The following SIK3 variants were observed in gnomAD, a reference collection of about 807,000 sequenced individuals.
SIK3 encodes SIK family kinase 3.
In SIK3, 28 loss-of-function variants were observed where a neutral mutation model predicts 144.2. The ratio of observed to expected loss-of-function variants is 0.19; its 90% CI spans 0.14 to 0.27. SIK3 has a LOEUF of 0.27. Ranked by LOEUF, SIK3 falls within the 10% of genes least tolerant of loss-of-function variation. The pLI is 1.00. For synonymous variants in SIK3, 686 were observed against 676.3 expected (o/e 1.01, Z -0.22); for missense variants, 1,319 against 1,776.0 (o/e 0.74, Z 4.62).
At chr11:117,028,325 C>T (rs948323495) in intron 1 of SIK3, among the ~76,000 whole-genome samples, 1 of 152,156 alleles carries the variant, frequency 6.6e-6, no homozygotes, top group Non-Finnish European at 1.5e-5. Context: ...ATTTATTAAA[C>T]ACCTACTACA....
chr11:116,947,333 C>T (rs148528012), intron 3 of SIK3, among the ~76,000 whole-genome samples: 29 of 143,364 alleles, frequency 2.0e-4, no homozygotes, highest in African/African-American at 7.0e-4. Flanking sequence ...AGAAAGGAGG[C>T]CCAGCAAAAG....
chr11:117,013,950 G>GTGTTTTTTTTTTT (rs1951400797), intron 1 of SIK3, among the ~76,000 whole-genome samples: 1 of 40,928 alleles, frequency 2.4e-5, no homozygotes, highest in Non-Finnish European at 6.7e-5. Flanking sequence ...GTGTGTGTGT[G>GTGTTTTTTTTTTT]TTTTATTTCT....
chr11:116,907,906 C>A (rs1389276260), intron 4 of SIK3, among the ~76,000 whole-genome samples: 6 of 151,624 alleles, frequency 4.0e-5, no homozygotes, highest in African/African-American at 1.5e-4. Flanking sequence ...ACAGAGGCTG[C>A]CATCCTCACA....
chr11:116,890,638 G>A (rs1001749885), intron 6 of SIK3, among the ~76,000 whole-genome samples: 5 of 152,220 alleles, frequency 3.3e-5, no homozygotes, highest in African/African-American at 9.7e-5. Context: ...TAAGCACCAC[G>A]ATAAGAGAAA....
intron 21 of SIK3, among the ~76,000 whole-genome samples, chr11:116,850,336 T>C (rs1942328749): frequency 6.6e-6 from 1 of 152,226 alleles, no homozygotes; most frequent in Admixed American, 6.5e-5. Flanking sequence ...TCTAGTCAAA[T>C]GGGACCACTT....
At chr11:116,950,112 G>A (rs1431995324) in intron 3 of SIK3, 4 of 470,866 alleles carry the variant, frequency 8.5e-6, no homozygotes, top group Admixed American at 7.0e-5. Flanking sequence ...AGTGATCTGG[G>A]TCCTAGTATT....
chr11:117,072,487 C>A (rs1048430405), intron 1 of SIK3, among the ~76,000 whole-genome samples: 1 of 152,182 alleles, frequency 6.6e-6, no homozygotes, highest in African/African-American at 2.4e-5. Context: ...AAAGTGTAAA[C>A]AGCTATTTTC....
Position 116,897,549 on chromosome 11 carries a change from C to T in SIK3, c.617-232G>A, listed in dbSNP as rs1465324225. Among the ~76,000 whole-genome samples, 4 of 152,114 alleles carry T rather than the reference C, an allele frequency of 2.6e-5. No individual in the cohort carries two copies. In the South Asian group the frequency reaches 8.3e-4, roughly 32 times the overall value. On this transcript the variant is annotated intron_variant, in intron 4 of 24. Coordinates refer to ENST00000445177, the MANE Select transcript of SIK3 (RefSeq NM_001366686.3). ...TATGTCAGCAAAAATAGTACTGCTC[C>T]CTTCATAAACCTAGGCAGAATAAAG...
chr11:117,014,906 A>G (rs1951453473), intron 1 of SIK3, among the ~76,000 whole-genome samples: 1 of 152,138 alleles, frequency 6.6e-6, no homozygotes, highest in Non-Finnish European at 1.5e-5. Context: ...TCTACTAAAA[A>G]TATGAAAATT....
At chr11:116,854,360 T>A (rs1171442617) in intron 21 of SIK3, among the ~76,000 whole-genome samples, 1 of 152,120 alleles carries the variant, frequency 6.6e-6, no homozygotes, top group East Asian at 1.9e-4. Context: ...AGACCCTGAC[T>A]CAAAAAGTAA....
intron 1 of SIK3, among the ~76,000 whole-genome samples, chr11:116,982,584 G>A (rs12804297): frequency 0.051 from 7,699 of 151,720 alleles, 289 homozygotes; most frequent in Non-Finnish European, 0.079. Flanking sequence ...CACTATGCCC[G>A]GCCTCAATTA....
rs536284019 is a variant in SIK3, at chr11:116,858,240, C to T, written c.3225G>A (p.Ala1075=). The T allele has an allele frequency of 4.5e-5, 73 of 1,614,060 alleles. No homozygotes were observed. The Middle Eastern group carries it at 8.3e-4, about 18-fold the overall frequency. The change falls in exon 21 of 25, where the codon GCG becomes GCA. Residue 1075 remains alanine, a synonymous_variant. Coordinates refer to ENST00000445177, the MANE Select transcript of SIK3 (RefSeq NM_001366686.3). This position sits in a 1 kb window ranked among gnomAD's most constrained non-coding sequence, Gnocchi z 5.4. ...ELFRHMNQGD[A]GSLAPSLGGQ... ...CCCCAAGGCTGGGAGCCAGACTCCC[C>T]GCATCCCCTTGGTTCATGTGCCTGA...
intron 1 of SIK3, among the ~76,000 whole-genome samples, chr11:117,021,948 A>AAAAAAAAAAAAAAAAAAAAAC (rs1565565731): frequency 1.6e-5 from 2 of 127,914 alleles, no homozygotes; most frequent in African/African-American, 6.8e-5. Context: ...AAAAAAAAAA[A>AAAAAAAAAAAAAAAAAAAAAC]AAAAAAAAAA....
rs368075975 is a variant in SIK3 at position 116,859,516 on chromosome 11, G to T, written c.2514C>A (p.Asn838Lys). 2 of 1,614,218 alleles carry T rather than the reference G, an allele frequency of 1.2e-6. No homozygotes were observed. Among genetic ancestry groups the T allele is most frequent in the East Asian group, 4.5e-5 (2 of 44,870 alleles). Residue 838 changes from asparagine (N) to lysine (K), a missense_variant, in exon 20 of 25, where the codon AAC becomes AAA. By Grantham distance (94) the Asn-to-Lys change is moderately conservative. Coordinates refer to ENST00000445177, the MANE Select transcript of SIK3 (RefSeq NM_001366686.3). ...QQPENCSSPP[N>K]VALTCLGMQQ... ...GCATACCCAAGCAGGTTAGTGCCAC[G>T]TTGGGAGGAGAGGAACAGTTCTCAG...
rs1941726988 is a variant in SIK3, at chr11:116,844,002, G to A, written c.*1641C>T. On this transcript the variant is annotated 3_prime_UTR_variant, in exon 25 of 25. Transcript: ENST00000445177. ...CCATGCCGGGCACCCGCTTTCCTCTGTGCAAATTCAGGATGAAAGACTAGG... is the reference window on the plus strand; with the variant it reads ...CCATGCCGGGCACCCGCTTTCCTCTATGCAAATTCAGGATGAAAGACTAGG... 1 of 152,146 alleles carries A rather than the reference G, an allele frequency of 6.6e-6. No individual in the cohort carries two copies. The highest frequency in any genetic ancestry group is 1.5e-5 in the Non-Finnish European group (1 of 68,042). 9.4% of individuals were successfully genotyped at this position (152,146 alleles called of 1,614,324 possible). A position where few individuals can be genotyped will look rare whatever the true frequency, so the allele number is the denominator to read the frequency against.
chr11:116,931,515 T>G (rs1370357637), intron 3 of SIK3, among the ~76,000 whole-genome samples: 2 of 152,204 alleles, frequency 1.3e-5, no homozygotes, highest in African/African-American at 2.4e-5. Context: ...CAACTCATAG[T>G]TGATGCAAAA....
At chr11:116,877,543 G>C (rs1166339780) in intron 6 of SIK3, among the ~76,000 whole-genome samples, 3 of 152,212 alleles carry the variant, frequency 2.0e-5, no homozygotes, top group African/African-American at 7.2e-5. Flanking sequence ...TGTGGGGAGA[G>C]AGCCACAGGC....
intron 4 of SIK3, among the ~76,000 whole-genome samples, chr11:116,917,617 G>A (rs1281478689): frequency 1.3e-5 from 2 of 151,996 alleles, no homozygotes; most frequent in African/African-American, 4.8e-5. Flanking sequence ...GCTGAGGTGG[G>A]AGGATCCCCT....
intron 21 of SIK3, among the ~76,000 whole-genome samples, chr11:116,852,893 G>C (rs1038113290): frequency 1.3e-5 from 2 of 152,192 alleles, no homozygotes; most frequent in Non-Finnish European, 2.9e-5. Context: ...ATACCCCAGG[G>C]CTCTGTCTGC....
Sources: allele counts gnomAD v4.1 joint callset (sites outside exome capture counted in the v4.1 genomes callset), GRCh38; gene constraint gnomAD v4.1.1; non-coding constraint Gnocchi (gnomAD v3.1); transcripts MANE v1.5; gene names NCBI Gene and HGNC (gene_info 2026-07-23, HGNC 2026-07-21).